The following PRKAR2B variants were observed in gnomAD, a reference collection of about 807,000 sequenced individuals.
PRKAR2B encodes protein kinase cAMP-dependent type II regulatory subunit beta.
Under a neutral mutation model 49.9 loss-of-function variants are expected in PRKAR2B, and 14 were observed. The observed-to-expected ratio is 0.28, with a 90% CI of 0.19 to 0.44. The LOEUF (loss-of-function observed/expected upper bound fraction) is 0.44, where lower values mean the gene tolerates loss of function less well. Ranked by LOEUF, PRKAR2B falls within the 20% of genes least tolerant of loss-of-function variation. PRKAR2B has a pLI of 1.00. For missense variants in PRKAR2B, 393 were observed against 537.9 expected, an observed-to-expected ratio of 0.73 and a Z score of 2.67; for synonymous variants, 196 against 197.7, an observed-to-expected ratio of 0.99 and a Z score of 0.07.
chr7:107,047,136 C>A (rs1403661450), intron 1 of PRKAR2B, among the ~76,000 whole-genome samples: 1 of 152,108 alleles, frequency 6.6e-6, no homozygotes, highest in Non-Finnish European at 1.5e-5. Context: ...TAGCCTCACC[C>A]CCAAGGACTT....
In PRKAR2B at chr7:107,101,135, A is replaced by G. The variant is rs201250743; in HGVS notation, c.344-20817A>G. On this transcript the variant is annotated intron_variant, in intron 2 of 10. Coordinates refer to ENST00000265717, the MANE Select transcript of PRKAR2B (RefSeq NM_002736.3). ...TTCCTCCCTCTCCAGGTTGTTGCTT[A>G]TTTTTTTTTTTTTTTTTTTTTTTGT... 3.2e-5 allele frequency among the ~76,000 whole-genome samples: 3 copies of G among 94,690 alleles called. No homozygotes were observed. The South Asian group carries it at 1.1e-3, about 33-fold the overall frequency. 62.1% of individuals were successfully genotyped at this position (94,690 alleles called of 152,430 possible). A position where few individuals can be genotyped will look rare whatever the true frequency, so the allele number is the denominator to read the frequency against.
chr7:107,122,007 A>T lies in PRKAR2B; in HGVS notation c.396+3A>T. 6.3e-7 allele frequency: 1 copy of T among 1,578,966 alleles called. No individual in the cohort carries two copies. Among genetic ancestry groups the T allele is most frequent in the Non-Finnish European group, 8.6e-7 (1 of 1,156,572 alleles). On this transcript the variant is annotated splice_donor_region_variant and intron_variant, in intron 3 of 10. Coordinates refer to ENST00000265717, the MANE Select transcript of PRKAR2B (RefSeq NM_002736.3). Reference sequence around the variant, plus strand: ...AAGAAGATGATGCAGAGTCCAGGGTATGTAATTTACTGAATGAATGAATTT... The same window carrying T: ...AAGAAGATGATGCAGAGTCCAGGGTTTGTAATTTACTGAATGAATGAATTT...
At chr7:107,101,318 G>A (rs1423270444) in intron 2 of PRKAR2B, among the ~76,000 whole-genome samples, 1 of 152,056 alleles carries the variant, frequency 6.6e-6, no homozygotes, top group Non-Finnish European at 1.5e-5. Context: ...CAGATTATAA[G>A]GGCAATGGGA....
At chr7:107,127,959 G>C (rs1795528833) in intron 3 of PRKAR2B, among the ~76,000 whole-genome samples, 1 of 152,102 alleles carries the variant, frequency 6.6e-6, no homozygotes, top group Non-Finnish European at 1.5e-5. Flanking sequence ...ATATGCTTTT[G>C]AAAAACATTT....
At position 107,111,142 on chromosome 7, in the gene PRKAR2B, G is replaced by A. The variant is rs138317209; in HGVS notation, c.344-10810G>A. 7.9e-5 allele frequency among the ~76,000 whole-genome samples: 12 copies of A among 152,302 alleles called. No homozygotes were observed. The East Asian group carries it at 2.3e-3, about 29-fold the overall frequency. ...AGTAGCCTGGCAGTACGCCCCATAG[G>A]TCTATAGTGGTGGTGGCCACAGGGT... is the stretch of plus-strand genomic sequence containing the variant. On this transcript the variant is annotated intron_variant, in intron 2 of 10. Coordinates refer to ENST00000265717, the MANE Select transcript of PRKAR2B (RefSeq NM_002736.3).
chr7:107,077,504 A>G (rs1269121418), intron 2 of PRKAR2B: 2 of 152,172 alleles, frequency 1.3e-5, no homozygotes, highest in Non-Finnish European at 1.5e-5. Context: ...AAGGAGAGAG[A>G]CTATTCTAGG....
intron 2 of PRKAR2B, among the ~76,000 whole-genome samples, chr7:107,113,173 A>C (rs565573979): frequency 6.6e-6 from 1 of 152,342 alleles, no homozygotes; most frequent in Non-Finnish European, 1.5e-5. Context: ...GCTTTAAGTA[A>C]CTTTAGCTTT....
At chr7:107,107,587 G>A (rs917595666) in intron 2 of PRKAR2B, among the ~76,000 whole-genome samples, 2 of 151,866 alleles carry the variant, frequency 1.3e-5, no homozygotes, top group Non-Finnish European at 2.9e-5. Flanking sequence ...GTTAGGGTGT[G>A]AAGAAACTCA....
intron 8 of PRKAR2B, among the ~76,000 whole-genome samples, chr7:107,154,843 T>C (rs917118930): frequency 3.3e-5 from 5 of 152,298 alleles, no homozygotes; most frequent in African/African-American, 1.2e-4. Flanking sequence ...GGTATATGGG[T>C]AGAGCAACAC....
chr7:107,055,089 T>G (rs1793886012), intron 1 of PRKAR2B, among the ~76,000 whole-genome samples: 1 of 152,210 alleles, frequency 6.6e-6, no homozygotes, highest in South Asian at 2.1e-4. Flanking sequence ...TGTGATAGTT[T>G]GCTGAGAATG....
At chr7:107,081,674 A>T (rs1794518774) in intron 2 of PRKAR2B, among the ~76,000 whole-genome samples, 1 of 152,212 alleles carries the variant, frequency 6.6e-6, no homozygotes. Flanking sequence ...TACTAAAACC[A>T]GAGAACACTG....
At chr7:107,145,348 T>G (rs1795870744) in intron 5 of PRKAR2B, among the ~76,000 whole-genome samples, 1 of 152,210 alleles carries the variant, frequency 6.6e-6, no homozygotes, top group Non-Finnish European at 1.5e-5. Context: ...CTGCTATAGA[T>G]TATAAAGGAC....
intron 1 of PRKAR2B, among the ~76,000 whole-genome samples, chr7:107,055,907 T>A (rs922509601): frequency 3.3e-5 from 5 of 152,212 alleles, no homozygotes; most frequent in African/African-American, 1.2e-4. Flanking sequence ...ATGTCCTGAA[T>A]GGTATTGCCT....
intron 2 of PRKAR2B, among the ~76,000 whole-genome samples, chr7:107,097,913 C>A (rs1328613475): frequency 3.3e-5 from 5 of 152,170 alleles, no homozygotes; most frequent in African/African-American, 9.7e-5. Context: ...TTGTGGGTAA[C>A]CCGACCTTTC....
intron 2 of PRKAR2B, among the ~76,000 whole-genome samples, chr7:107,109,239 A>T (rs1016678335): frequency 6.6e-6 from 1 of 151,832 alleles, no homozygotes; most frequent in Non-Finnish European, 1.5e-5. Context: ...TCTTTACTAC[A>T]TCATAGTTTT....
chr7:107,046,454 T>C (rs1328214545), intron 1 of PRKAR2B, among the ~76,000 whole-genome samples: 1 of 152,214 alleles, frequency 6.6e-6, no homozygotes, highest in Non-Finnish European at 1.5e-5. Flanking sequence ...ATTATAAAAT[T>C]AGTGTATTTT....
intron 2 of PRKAR2B, among the ~76,000 whole-genome samples, chr7:107,088,648 G>A (rs1309524893): frequency 6.6e-6 from 1 of 152,048 alleles, no homozygotes. Context: ...TTCCCAGGCT[G>A]GAGTGCAGTG....
intron 2 of PRKAR2B, among the ~76,000 whole-genome samples, chr7:107,099,576 C>T (rs542879131): frequency 6.6e-4 from 101 of 152,084 alleles, no homozygotes; most frequent in African/African-American, 2.3e-3. Flanking sequence ...CCGTCTTCTG[C>T]GTTGCTCACC....
chr7:107,086,995 A>G (rs1794632143), intron 2 of PRKAR2B, among the ~76,000 whole-genome samples: 2 of 152,332 alleles, frequency 1.3e-5, no homozygotes, highest in African/African-American at 4.8e-5. Flanking sequence ...ATGGCTTTAA[A>G]ATAATTACAG....
Sources: allele counts gnomAD v4.1 joint callset (sites outside exome capture counted in the v4.1 genomes callset), GRCh38; gene constraint gnomAD v4.1.1; transcripts MANE v1.5; gene names NCBI Gene and HGNC (gene_info 2026-07-23, HGNC 2026-07-21).